BRMS1L: variants seen among roughly 807,000 people sequenced by gnomAD.
The protein encoded by BRMS1L is BRMS1 like transcriptional repressor, also known as breast cancer metastasis-suppressor 1-like protein.
Under a neutral mutation model 50.3 loss-of-function variants are expected in BRMS1L, and 23 were observed. The ratio of observed to expected loss-of-function variants is 0.46; its 90% confidence interval spans 0.33 to 0.65. The LOEUF (loss-of-function observed/expected upper bound fraction) is 0.65, where lower values mean the gene tolerates loss of function less well. BRMS1L is among the 30% of genes least tolerant of loss of function. The probability of loss-of-function intolerance (pLI) is 0.02; values close to 1 mark genes in which losing one functional copy is unlikely to be tolerated. For missense variants in BRMS1L, 286 were observed against 386.1 expected (o/e 0.74, Z 2.17); for synonymous variants, 114 against 126.9 (o/e 0.90, Z 0.69).
intron 9 of BRMS1L, 115 bp downstream of exon 9, chr14:35,868,147 C>G: frequency 2.0e-6 from 2 of 1,003,362 alleles, no homozygotes; most frequent in Non-Finnish European, 2.8e-6. Flanking sequence ...CTTGTGGATC[C>G]TTTTTTCACT....
At chr14:35,851,430 A>G (rs2142052294) in intron 4 of BRMS1L, among the ~76,000 whole-genome samples, 1 of 151,964 alleles carries the variant, frequency 6.6e-6, no homozygotes, top group South Asian at 2.1e-4. Flanking sequence ...TTTAAAAAAG[A>G]GGGATGGAAA....
At chr14:35,865,025 A>C in intron 7 of BRMS1L, 26 bp downstream of exon 7, 1 of 1,469,906 alleles carries the variant, frequency 6.8e-7, no homozygotes, top group East Asian at 2.4e-5. Context: ...AGTGGAACAC[A>C]AGTATGTTTT....
chr14:35,859,283 A>G (rs374436646), intron 4 of BRMS1L, among the ~76,000 whole-genome samples: 2 of 152,132 alleles, frequency 1.3e-5, no homozygotes, highest in Admixed American at 6.6e-5. Context: ...AGTCTCTACC[A>G]TTTGAAATTA....
intron 4 of BRMS1L, among the ~76,000 whole-genome samples, chr14:35,845,870 C>T (rs1226931681): frequency 2.0e-5 from 3 of 152,208 alleles, no homozygotes. Context: ...GTCCTCCCAT[C>T]TCAACCTCCC....
chr14:35,861,945 T>C (rs895400448), intron 4 of BRMS1L, among the ~76,000 whole-genome samples: 8 of 152,232 alleles, frequency 5.3e-5, no homozygotes, highest in Non-Finnish European at 1.0e-4. Flanking sequence ...CAGTATTATA[T>C]AATTAAAAAC....
chr14:35,826,850 CGGCGG>C, intron 1 of BRMS1L, 192 bp downstream of exon 1: 4 of 785,498 alleles, frequency 5.1e-6, no homozygotes, highest in Non-Finnish European at 7.6e-6. Context: ...TGGGTCCCGG[CGGCGG>C]GGCGGGGCGG....
intron 1 of BRMS1L, 76 bp from the exon 2 acceptor site, chr14:35,831,334 C>T (rs1034891861): frequency 2.9e-5 from 28 of 979,678 alleles, no homozygotes; most frequent in South Asian, 8.7e-5. Flanking sequence ...ATTTGAATTA[C>T]GTTCAGATAT....
At chr14:35,844,374 G>A (rs2078106028) in intron 4 of BRMS1L, among the ~76,000 whole-genome samples, 1 of 152,178 alleles carries the variant, frequency 6.6e-6, no homozygotes, top group Non-Finnish European at 1.5e-5. Context: ...GGAAAGCGTA[G>A]TATCAGGGGC....
chr14:35,853,678 C>A (rs2078243681), intron 4 of BRMS1L, among the ~76,000 whole-genome samples: 1 of 152,152 alleles, frequency 6.6e-6, no homozygotes. Context: ...CCTCCTGCCT[C>A]AGCCTCCCAA....
In BRMS1L at chr14:35,868,878, A is replaced by G. The variant is rs564617380; in HGVS notation, c.854+846A>G. On this transcript the variant is annotated intron_variant, in intron 9 of 9. Coordinates refer to ENST00000216807, the MANE Select transcript of BRMS1L (RefSeq NM_032352.4). ...ATGTCTAGGCTTAAATAAAGTTTATATAACTATTTGTATAGCCTTCTAAGT... is the reference window on the plus strand; with the variant it reads ...ATGTCTAGGCTTAAATAAAGTTTATGTAACTATTTGTATAGCCTTCTAAGT... Among the ~76,000 whole-genome samples, 11 of 152,370 alleles carry G rather than the reference A, an allele frequency of 7.2e-5. 1 individual carries two copies. The South Asian group carries it at 2.1e-3, about 29-fold the overall frequency.
intron 1 of BRMS1L, 57 bp downstream of exon 1, chr14:35,826,715 T>C: frequency 6.3e-7 from 1 of 1,591,852 alleles, no homozygotes; most frequent in Non-Finnish European, 8.5e-7. Context: ...GACAGGCCGC[T>C]CTCCGCACGC....
At chr14:35,849,006 A>AT (rs965541911) in intron 4 of BRMS1L, among the ~76,000 whole-genome samples, 16 of 150,682 alleles carry the variant, frequency 1.1e-4, no homozygotes, top group African/African-American at 3.2e-4. Context: ...TGGAAATTGT[A>AT]TTTTTTTTTC....
At chr14:35,826,698 A>T in intron 1 of BRMS1L, 40 bp downstream of exon 1, 1 of 1,599,636 alleles carries the variant, frequency 6.3e-7, no homozygotes, top group South Asian at 1.1e-5. Context: ...CCCCGCGCCC[A>T]GCGCGCGACA....
intron 4 of BRMS1L, among the ~76,000 whole-genome samples, chr14:35,848,539 A>G (rs2142049984): frequency 6.6e-6 from 1 of 152,170 alleles, no homozygotes; most frequent in Admixed American, 6.5e-5. Flanking sequence ...ATTATCCTGC[A>G]CAGTAGATCT....
At chr14:35,836,746 A>G (rs2077998870) in intron 4 of BRMS1L, among the ~76,000 whole-genome samples, 1 of 152,180 alleles carries the variant, frequency 6.6e-6, no homozygotes, top group African/African-American at 2.4e-5. Context: ...GTTTTTGTGT[A>G]TGGTATAAAG....
chr14:35,840,130 T>C (rs544601606), intron 4 of BRMS1L, among the ~76,000 whole-genome samples: 10 of 152,180 alleles, frequency 6.6e-5, no homozygotes, highest in Admixed American at 2.6e-4. Context: ...GAGATAATCA[T>C]GTGGTTTTTG....
chr14:35,870,248 C>T (rs958825475), intron 9 of BRMS1L, 112 bp from the exon 10 acceptor site: 4 of 627,066 alleles, frequency 6.4e-6, no homozygotes, highest in Non-Finnish European at 1.1e-5. Context: ...CAATTATATA[C>T]CTGAGTCTAC....
At chr14:35,868,371 A>G (rs2078447656) in intron 9 of BRMS1L, among the ~76,000 whole-genome samples, 1 of 152,218 alleles carries the variant, frequency 6.6e-6, no homozygotes, top group African/African-American at 2.4e-5. Flanking sequence ...TTTTTGGTGG[A>G]CCTAATAATC....
At chr14:35,862,492 G>A (rs967145857) in intron 4 of BRMS1L, 98 bp from the exon 5 acceptor site, 74 of 552,946 alleles carry the variant, frequency 1.3e-4, no homozygotes, top group Non-Finnish European at 2.0e-4. Context: ...GCAAACCAAA[G>A]CATCATATAT....
Sources: allele counts gnomAD v4.1 joint callset (sites outside exome capture counted in the v4.1 genomes callset), GRCh38; gene constraint gnomAD v4.1.1; transcripts MANE v1.5; gene names NCBI Gene and HGNC (gene_info 2026-07-23, HGNC 2026-07-21).